EXPH5: variants seen among roughly 807,000 people sequenced by gnomAD.
EXPH5 encodes exophilin 5.
In EXPH5, 42 loss-of-function variants were observed where a neutral mutation model predicts 41.1. That is an observed-to-expected ratio of 1.02 (90% CI 0.80 to 1.32). EXPH5 has a LOEUF of 1.32. Among genes scored for constraint, EXPH5 ranks in the 40% most tolerant of loss-of-function variants. EXPH5 has a pLI of 0.00. For missense variants in EXPH5, 2,298 were observed against 2,314.5 expected (o/e 0.99, Z 0.15); for synonymous variants, 798 against 833.5 (o/e 0.96, Z 0.73).
At chr11:108,567,293 C>T (rs1272489657) in intron 1 of EXPH5, among the ~76,000 whole-genome samples, 1 of 152,198 alleles carries the variant, frequency 6.6e-6, no homozygotes, top group Non-Finnish European at 1.5e-5. Flanking sequence ...TTTACGTATT[C>T]CAACTCCTGA....
At chr11:108,585,099 C>T (rs1356276871) in intron 1 of EXPH5, among the ~76,000 whole-genome samples, 1 of 152,094 alleles carries the variant, frequency 6.6e-6, no homozygotes, top group Non-Finnish European at 1.5e-5. Flanking sequence ...AAGATTTTAG[C>T]AGATACTTCC....
chr11:108,606,892 A>G, the EXPH5 span, among the ~76,000 whole-genome samples: 46 of 152,220 alleles, frequency 3.0e-4, 1 homozygote, highest in Non-Finnish European at 6.0e-4. Flanking sequence ...TAAAATTTGT[A>G]AACCATTGAG....
At chr11:108,534,696 G>A (rs2093867679) in intron 3 of EXPH5, among the ~76,000 whole-genome samples, 1 of 152,208 alleles carries the variant, frequency 6.6e-6, no homozygotes. Context: ...GGAACATCAT[G>A]TGTCACCATA....
intron 1 of EXPH5, among the ~76,000 whole-genome samples, chr11:108,560,414 C>T (rs914789367): frequency 1.3e-5 from 2 of 152,210 alleles, no homozygotes; most frequent in Non-Finnish European, 2.9e-5. Flanking sequence ...ATGAGTGTGG[C>T]ATTGAAACCC....
In EXPH5 at chr11:108,511,828, G is replaced by A. The variant is rs149965226; in HGVS notation, c.3679C>T (p.His1227Tyr). ...AACGTACTAGTCGTCTTAACTTTAT[G>A]TAATGTTTTCCCACGTTCTTTTCCT... Reference protein sequence around the residue: ...LSGKERGKTLHKVKTTSTFSV... With the variant: ...LSGKERGKTLYKVKTTSTFSV... Residue 1227 changes from histidine to tyrosine, a missense_variant, in exon 6 of 6, where the codon CAT (histidine) becomes TAT (tyrosine). His to Tyr is a moderately conservative substitution (Grantham distance 83). Transcript: ENST00000265843. 34 of 1,596,098 alleles carry A rather than the reference G, an allele frequency of 2.1e-5. No individual in the cohort carries two copies. In the African/African-American group the frequency reaches 3.3e-4, roughly 15 times the overall value.
Position 108,510,284 on chromosome 11 carries a change from C to T in EXPH5, c.5223G>A (p.Arg1741=), listed in dbSNP as rs1310608009. 2 of 1,614,002 alleles carry T rather than the reference C, an allele frequency of 1.2e-6. No individual in the cohort carries two copies. Among genetic ancestry groups the T allele is most frequent in the Non-Finnish European group, 1.7e-6 (2 of 1,179,990 alleles). Residue 1741 remains arginine (R), a synonymous_variant, in exon 6 of 6, where the codon AGG becomes AGA. Coordinates refer to ENST00000265843, the MANE Select transcript of EXPH5 (RefSeq NM_015065.3). ...TCTGATTGTCAGAGAATTCTGCTTC[C>T]CTGAGGCTGGTGAATGTGATGGGTG... The part of the protein sequence containing the change: ...APSPITFTSL[R]EAEFSDNQRR...
At chr11:108,556,336 T>C (rs2093989820) in intron 1 of EXPH5, among the ~76,000 whole-genome samples, 1 of 152,166 alleles carries the variant, frequency 6.6e-6, no homozygotes, top group Admixed American at 6.5e-5. Flanking sequence ...TGCCTGTTTT[T>C]GTTTTTTAAG....
In EXPH5 at chr11:108,509,790, G is replaced by A. The variant is rs2093664294; in HGVS notation, c.5717C>T (p.Thr1906Ile). The change falls in exon 6 of 6, where the codon ACA (threonine) becomes ATA (isoleucine). Residue 1906 changes from threonine to isoleucine, a missense_variant. Thr to Ile is a moderately conservative substitution (Grantham distance 89). Coordinates refer to ENST00000265843, the MANE Select transcript of EXPH5 (RefSeq NM_015065.3). The stretch of plus-strand genomic sequence containing the variant: ...ACTTGGTTTCCATAATCTTCCTTGT[G>A]TAAGTGACCTCTTTACATTTTCTAA... ...AFLENVKRSL[T>I]QGRLWKPSFL... is the part of the protein sequence containing the mutation. The A allele has an allele frequency of 6.2e-7, 1 of 1,610,826 alleles. No individual in the cohort carries two copies. The highest frequency in any genetic ancestry group is 8.5e-7 in the Non-Finnish European group (1 of 1,179,326).
chr11:108,514,204 T>G lies in EXPH5; in HGVS notation c.1303A>C (p.Asn435His), dbSNP rs200893846. The change falls in exon 6 of 6, where the codon AAT becomes CAT. Residue 435 changes from asparagine (N) to histidine (H), a missense_variant. By Grantham distance (68) the Asn-to-His change is moderately conservative. Transcript: ENST00000265843. The part of the protein sequence containing the change: ...QRVSLNAPME[N>H]AMSPDTFENS... ...TCAAAAGTGTCGGGACTCATTGCAT[T>G]CTCCATGGGAGCATTTAAACTAACA... 6.2e-7 allele frequency: 1 copy of G among 1,614,220 alleles called. No individual in the cohort carries two copies. The highest frequency in any genetic ancestry group is 1.7e-5 in the Admixed American group (1 of 60,018).
In EXPH5 at chr11:108,510,534, C is replaced by T. The variant is rs1343596267; in HGVS notation, c.4973G>A (p.Arg1658Lys). Residue 1658 changes from arginine (R) to lysine (K), a missense_variant, in exon 6 of 6, where the codon AGG becomes AAG. Arg to Lys is a conservative substitution (Grantham distance 26). Coordinates refer to ENST00000265843, the MANE Select transcript of EXPH5 (RefSeq NM_015065.3). ...CACATGCTTTCCGTTCTCACTCAAC[C>T]TGCTTTCGCCAATGGACTCTGCAGA... ...PKSAESIGES[R>K]LSENGKHVKK... 1.9e-6 allele frequency: 3 copies of T among 1,614,022 alleles called. No homozygotes were observed. The highest frequency in any genetic ancestry group is 1.7e-5 in the Admixed American group (1 of 60,000).
intron 1 of EXPH5, among the ~76,000 whole-genome samples, chr11:108,570,684 C>T (rs1331287540): frequency 1.3e-5 from 2 of 152,138 alleles, no homozygotes; most frequent in African/African-American, 4.8e-5. Flanking sequence ...GCTGGAACTA[C>T]AGGCATGTGC....
rs1236342825 is a variant in EXPH5 at position 108,516,093 on chromosome 11, G to GA, written c.632-1219dup. Among the ~76,000 whole-genome samples the GA allele has an allele frequency of 2.4e-3, 339 of 140,514 alleles. 4 individuals carry two copies. Among genetic ancestry groups the GA allele is most frequent in the African/African-American group, 8.3e-3 (322 of 38,792 alleles). The allele number at this position is 140,514 out of a possible 152,430, so 92.2% of individuals were successfully genotyped here. On this transcript the variant is annotated intron_variant, in intron 5 of 5. Transcript: ENST00000265843. ...TCTCAAAAAAAAAAAAAAAAAACCA[G>GA]AAAAAAAAACTCACTTTTCATATTT... is the stretch of plus-strand genomic sequence containing the variant.
intron 3 of EXPH5, among the ~76,000 whole-genome samples, chr11:108,537,285 C>A (rs1397528265): frequency 6.6e-6 from 1 of 152,116 alleles, no homozygotes; most frequent in South Asian, 2.1e-4. Context: ...TCTTCTGAAA[C>A]CTCTTAGGAG....
At chr11:108,574,604 C>T (rs1430767882) in intron 1 of EXPH5, among the ~76,000 whole-genome samples, 2 of 152,116 alleles carry the variant, frequency 1.3e-5, no homozygotes, top group Non-Finnish European at 2.9e-5. Context: ...CCTCAACTCC[C>T]CTCCTTTCTG....
intron 1 of EXPH5, among the ~76,000 whole-genome samples, chr11:108,542,791 T>C (rs1394720735): frequency 6.6e-6 from 1 of 152,208 alleles, no homozygotes; most frequent in African/African-American, 2.4e-5. Context: ...TAATCTTGGC[T>C]CACTGCAACC....
chr11:108,564,769 A>G (rs1199019414), intron 1 of EXPH5, among the ~76,000 whole-genome samples: 2 of 152,234 alleles, frequency 1.3e-5, no homozygotes, highest in East Asian at 3.9e-4. Context: ...GTGCTTGCCA[A>G]TGTTAGTTAT....
At chr11:108,550,090 G>A (rs1393481183) in intron 1 of EXPH5, among the ~76,000 whole-genome samples, 1 of 152,196 alleles carries the variant, frequency 6.6e-6, no homozygotes, top group Non-Finnish European at 1.5e-5. Context: ...ACTGTTAAGA[G>A]GCACCTCCTT....
chr11:108,596,552 T>G (rs1244506998), upstream of EXPH5, among the ~76,000 whole-genome samples: 2 of 152,202 alleles, frequency 1.3e-5, no homozygotes, highest in Non-Finnish European at 2.9e-5. Context: ...TACCTGCAAT[T>G]CATCCACATG....
chr11:108,562,880 A>T (rs865966433), intron 1 of EXPH5, among the ~76,000 whole-genome samples: 1 of 152,220 alleles, frequency 6.6e-6, no homozygotes, highest in Non-Finnish European at 1.5e-5. Context: ...CTGTGTGTGT[A>T]CATATGTTCA....
Sources: allele counts gnomAD v4.1 joint callset (sites outside exome capture counted in the v4.1 genomes callset), GRCh38; gene constraint gnomAD v4.1.1; transcripts MANE v1.5; gene names NCBI Gene and HGNC (gene_info 2026-07-23, HGNC 2026-07-21).